The following ZCWPW2 variants were observed in gnomAD, a reference collection of about 807,000 sequenced individuals.
ZCWPW2 encodes the protein zinc finger CW-type PWWP domain protein 2.
A neutral mutation model predicts 46.6 loss-of-function variants in ZCWPW2; 45 were observed. The observed-to-expected ratio is 0.96, with a 90% confidence interval of 0.76 to 1.24. The LOEUF (loss-of-function observed/expected upper bound fraction) is 1.24. ZCWPW2 is among the 50% of genes most tolerant of loss of function. The pLI is 0.00. For missense variants in ZCWPW2, 429 were observed against 403.9 expected, an observed-to-expected ratio of 1.06 and a Z score of -0.53; for synonymous variants, 152 against 137.1, an observed-to-expected ratio of 1.11 and a Z score of -0.76.
At chr3:28,479,421 G>C (rs1024062555) in intron 5 of ZCWPW2, among the ~76,000 whole-genome samples, 2 of 152,028 alleles carry the variant, frequency 1.3e-5, no homozygotes, top group African/African-American at 2.4e-5. Flanking sequence ...TAATATTTTA[G>C]GTTATTTTCA....
intron 3 of ZCWPW2, among the ~76,000 whole-genome samples, chr3:28,432,016 A>G (rs759149642): frequency 6.6e-6 from 1 of 152,080 alleles, no homozygotes; most frequent in African/African-American, 2.4e-5. Context: ...TCTCATGAGA[A>G]CTCACTCACT....
chr3:28,363,686 C>G (rs1705020629), intron 1 of ZCWPW2, among the ~76,000 whole-genome samples: 2 of 152,244 alleles, frequency 1.3e-5, no homozygotes, highest in Non-Finnish European at 2.9e-5. Context: ...CTAGTCACCC[C>G]AGAGATAGGT....
chr3:28,474,256 A>G (rs746007690), intron 4 of ZCWPW2, among the ~76,000 whole-genome samples: 77 of 152,306 alleles, frequency 5.1e-4, no homozygotes, highest in Non-Finnish European at 9.3e-4. Flanking sequence ...TATTAAATAT[A>G]TTGCTTGTGG....
intron 4 of ZCWPW2, among the ~76,000 whole-genome samples, chr3:28,450,324 A>G (rs1698175460): frequency 6.6e-6 from 1 of 152,162 alleles, no homozygotes. Context: ...CCATAAGCTT[A>G]CATGTCTAAC....
chr3:28,419,924 T>G, intron 3 of ZCWPW2, among the ~76,000 whole-genome samples: 1 of 107,170 alleles, frequency 9.3e-6, no homozygotes, highest in Non-Finnish European at 1.8e-5. Flanking sequence ...GGGACTGTTG[T>G]GGGGTGGGGG....
chr3:28,473,485 CA>C (rs1237393224), intron 4 of ZCWPW2, among the ~76,000 whole-genome samples: 3 of 150,368 alleles, frequency 2.0e-5, no homozygotes, highest in Non-Finnish European at 4.4e-5. Context: ...AAAAAAAAAA[CA>C]AAAAAATAGA....
At chr3:28,444,133 C>T (rs573045576) in intron 4 of ZCWPW2, among the ~76,000 whole-genome samples, 20 of 152,282 alleles carry the variant, frequency 1.3e-4, no homozygotes, top group Non-Finnish European at 2.2e-4. Context: ...GTCTTCCTTC[C>T]GCCATTATCC....
intron 1 of ZCWPW2, among the ~76,000 whole-genome samples, chr3:28,356,162 T>C (rs1036270001): frequency 4.0e-5 from 6 of 151,812 alleles, no homozygotes; most frequent in Non-Finnish European, 1.5e-5. Context: ...CAAGAAAAAA[T>C]CAAACAACCT....
At chr3:28,479,491 A>G (rs1232323949) in intron 5 of ZCWPW2, among the ~76,000 whole-genome samples, 1 of 152,174 alleles carries the variant, frequency 6.6e-6, no homozygotes, top group Admixed American at 6.5e-5. Context: ...AAGTGAAACC[A>G]TTTGAAAGAT....
intron 4 of ZCWPW2, among the ~76,000 whole-genome samples, chr3:28,466,101 C>T (rs1698811925): frequency 6.6e-6 from 1 of 152,186 alleles, no homozygotes; most frequent in Admixed American, 6.6e-5. Flanking sequence ...TGCATGTTCT[C>T]ACTTCTAAGT....
chr3:28,431,094 G>A (rs1403773303), intron 3 of ZCWPW2, among the ~76,000 whole-genome samples: 2 of 152,044 alleles, frequency 1.3e-5, no homozygotes, highest in Non-Finnish European at 2.9e-5. Context: ...TCAAATTCAA[G>A]CAATTTATGG....
rs1474781121 is a variant in ZCWPW2, at chr3:28,405,462, C to T, written c.-13-7594C>T. On this transcript the variant is annotated intron_variant, in intron 2 of 9. Transcript: ENST00000383768. ...CAGAAAAAGCGTACATTGCTGTAAA[C>T]AGAGGTTTTTGTTTGTTTGTTTGTT... is the stretch of plus-strand genomic sequence containing the variant. 3.3e-5 allele frequency among the ~76,000 whole-genome samples: 5 copies of T among 152,100 alleles called. No individual in the cohort carries two copies. The East Asian group carries it at 9.7e-4, about 29-fold the overall frequency.
intron 3 of ZCWPW2, among the ~76,000 whole-genome samples, chr3:28,422,493 T>C (rs1341441328): frequency 2.0e-5 from 3 of 152,216 alleles, no homozygotes; most frequent in Non-Finnish European, 2.9e-5. Context: ...TTTCAGACTA[T>C]CTTTTATTTA....
At chr3:28,521,671 C>T (rs1466366909) in intron 9 of ZCWPW2, among the ~76,000 whole-genome samples, 3 of 152,084 alleles carry the variant, frequency 2.0e-5, no homozygotes, top group Non-Finnish European at 4.4e-5. Flanking sequence ...TTACTTTATT[C>T]AGTGTCTCTG....
chr3:28,370,762 T>A (rs1030795687), intron 1 of ZCWPW2, among the ~76,000 whole-genome samples: 8 of 152,168 alleles, frequency 5.3e-5, no homozygotes, highest in African/African-American at 1.7e-4. Flanking sequence ...GATAGAGTTT[T>A]GCTCTTGTTG....
chr3:28,448,101 A>G (rs1459039121), intron 4 of ZCWPW2: 1 of 213,538 alleles, frequency 4.7e-6, no homozygotes, highest in African/African-American at 2.3e-5. Flanking sequence ...TTTTAAGGGT[A>G]ATAAAAATTA....
chr3:28,400,066 AATAG>A (rs1266495942), intron 2 of ZCWPW2, among the ~76,000 whole-genome samples: 6 of 152,292 alleles, frequency 3.9e-5, no homozygotes, highest in South Asian at 4.1e-4. Flanking sequence ...CATTCAGGGA[AATAG>A]ATAGCATAAA....
At position 28,490,858 on chromosome 3, in the gene ZCWPW2, C is replaced by T. The variant is rs74421907; in HGVS notation, c.611-1269C>T. On this transcript the variant is annotated intron_variant, in intron 5 of 9. Transcript: ENST00000383768. ...ATCTTATACTGTCTAATATAGTAGCCGATACCAAGTAAATGATCAGTTTAT... is the reference window on the plus strand; with the variant it reads ...ATCTTATACTGTCTAATATAGTAGCTGATACCAAGTAAATGATCAGTTTAT... Among the ~76,000 whole-genome samples, 1,280 of 151,882 alleles carry T rather than the reference C, an allele frequency of 8.4e-3. 22 individuals carry two copies. Among genetic ancestry groups the T allele is most frequent in the African/African-American group, 0.029 (1,207 of 41,416 alleles).
At chr3:28,463,141 G>C (rs945231597) in intron 4 of ZCWPW2, among the ~76,000 whole-genome samples, 8 of 152,062 alleles carry the variant, frequency 5.3e-5, no homozygotes, top group Admixed American at 2.6e-4. Flanking sequence ...ATATTCATAA[G>C]TTTACATAAA....
Sources: allele counts gnomAD v4.1 joint callset (sites outside exome capture counted in the v4.1 genomes callset), GRCh38; gene constraint gnomAD v4.1.1; transcripts MANE v1.5; gene names NCBI Gene and HGNC (gene_info 2026-07-23, HGNC 2026-07-21).